CAB39: variants seen among roughly 807,000 people sequenced by gnomAD.
The protein encoded by CAB39 is calcium-binding protein 39.
Under a neutral mutation model 40.0 loss-of-function variants are expected in CAB39, and 8 were observed. That is an observed-to-expected ratio of 0.20 (90% CI 0.12 to 0.36). CAB39 has a LOEUF of 0.36. CAB39 is among the 10% of genes least tolerant of loss of function. The pLI, the probability that CAB39 is intolerant of heterozygous loss-of-function variation, is 1.00. For missense variants in CAB39, 270 were observed against 401.1 expected, an observed-to-expected ratio of 0.67 and a Z score of 2.79; for synonymous variants, 156 against 141.6, an observed-to-expected ratio of 1.10 and a Z score of -0.72.
intron 1 of CAB39, among the ~76,000 whole-genome samples, chr2:230,746,667 C>A (rs1280301536): frequency 6.6e-6 from 1 of 152,140 alleles, no homozygotes; most frequent in Admixed American, 6.5e-5. Flanking sequence ...GCTAGATTTC[C>A]TGCTCACTTA....
At chr2:230,771,492 G>C (rs919179143) in intron 2 of CAB39, among the ~76,000 whole-genome samples, 1 of 152,162 alleles carries the variant, frequency 6.6e-6, no homozygotes, top group Non-Finnish European at 1.5e-5. Flanking sequence ...GCCCAAATAA[G>C]CAGGAGATAC....
chr2:230,800,944 C>A (rs927399969), intron 5 of CAB39, among the ~76,000 whole-genome samples: 1 of 151,934 alleles, frequency 6.6e-6, no homozygotes. Context: ...TAAAGCAGCC[C>A]TATCAGGTCA....
intron 5 of CAB39, among the ~76,000 whole-genome samples, chr2:230,804,367 A>G (rs573448693): frequency 1.8e-4 from 28 of 152,354 alleles, no homozygotes; most frequent in Middle Eastern, 3.4e-3. Context: ...AAAATACCAA[A>G]AGCAATGGCA....
chr2:230,773,798 A>C (rs1695535169), intron 2 of CAB39, among the ~76,000 whole-genome samples: 1 of 152,186 alleles, frequency 6.6e-6, no homozygotes, highest in Non-Finnish European at 1.5e-5. Flanking sequence ...TAGAATTCAG[A>C]CCCATGAGTG....
intron 2 of CAB39, among the ~76,000 whole-genome samples, chr2:230,784,748 C>T (rs983167382): frequency 6.6e-5 from 10 of 152,060 alleles, no homozygotes; most frequent in African/African-American, 2.4e-4. Context: ...AAAGAATTAA[C>T]GCGGGAAGAA....
intron 2 of CAB39, among the ~76,000 whole-genome samples, chr2:230,780,821 G>A (rs1695673861): frequency 6.6e-6 from 1 of 152,148 alleles, no homozygotes; most frequent in South Asian, 2.1e-4. Flanking sequence ...AGTGGCTCAT[G>A]CCTGTAATCC....
chr2:230,733,306 C>T lies in CAB39; in HGVS notation c.-44+20076C>T, dbSNP rs115962460. Among the ~76,000 whole-genome samples the T allele has an allele frequency of 4.2e-3, 641 of 152,068 alleles. 1 individual carries two copies. The highest frequency in any genetic ancestry group is 0.014 in the African/African-American group (587 of 41,456). ...GCAAGACTAGCTGTTTTTTGACCCC[C>T]TCCTCTCATTTTTTTGGTGTTAAAG... On this transcript the variant is annotated intron_variant, in intron 1 of 8. Transcript: ENST00000258418.
chr2:230,801,783 C>G (rs756607475), intron 5 of CAB39, among the ~76,000 whole-genome samples: 4 of 151,882 alleles, frequency 2.6e-5, no homozygotes, highest in Non-Finnish European at 4.4e-5. Context: ...GCATAAGAAT[C>G]CCTTGAACCT....
intron 1 of CAB39, among the ~76,000 whole-genome samples, chr2:230,739,082 A>T (rs953110068): frequency 6.6e-6 from 1 of 152,206 alleles, no homozygotes; most frequent in African/African-American, 2.4e-5. Context: ...AATTATCTCT[A>T]TAAAAGAGCA....
At chr2:230,764,191 T>C (rs1248939599) in intron 2 of CAB39, among the ~76,000 whole-genome samples, 1 of 152,188 alleles carries the variant, frequency 6.6e-6, no homozygotes, top group Non-Finnish European at 1.5e-5. Flanking sequence ...CTTTGCAATG[T>C]TGCAAAATAG....
At chr2:230,803,133 A>C (rs966486888) in intron 5 of CAB39, among the ~76,000 whole-genome samples, 5 of 152,246 alleles carry the variant, frequency 3.3e-5, no homozygotes, top group African/African-American at 1.2e-4. Flanking sequence ...TCCGTCACAT[A>C]AACAGAACCA....
intron 1 of CAB39, among the ~76,000 whole-genome samples, chr2:230,721,387 T>G (rs972816021): frequency 1.3e-5 from 2 of 152,146 alleles, no homozygotes; most frequent in Admixed American, 6.5e-5. Flanking sequence ...GCCAAGATAG[T>G]GCCACTGCGC....
chr2:230,799,669 T>C (rs1696051255), intron 5 of CAB39, among the ~76,000 whole-genome samples: 1 of 152,208 alleles, frequency 6.6e-6, no homozygotes, highest in Non-Finnish European at 1.5e-5. Context: ...CCTAACCTTA[T>C]GAATAAATAT....
At chr2:230,814,867 T>A (rs1043359683) in intron 7 of CAB39, among the ~76,000 whole-genome samples, 4 of 152,136 alleles carry the variant, frequency 2.6e-5, no homozygotes, top group African/African-American at 7.2e-5. Flanking sequence ...CAGTAAGCAG[T>A]CCCAACAGGA....
intron 2 of CAB39, among the ~76,000 whole-genome samples, chr2:230,768,430 G>A (rs1559603706): frequency 6.6e-6 from 1 of 152,120 alleles, no homozygotes. Flanking sequence ...GGGTGATCAG[G>A]GGACATTTTT....
intron 4 of CAB39, among the ~76,000 whole-genome samples, chr2:230,797,193 A>G (rs921651149): frequency 1.3e-5 from 2 of 152,224 alleles, no homozygotes; most frequent in Admixed American, 1.3e-4. Context: ...TGAAACTAAG[A>G]TAATCAGAAA....
intron 1 of CAB39, among the ~76,000 whole-genome samples, chr2:230,753,446 G>C (rs1030009794): frequency 2.6e-5 from 4 of 152,120 alleles, no homozygotes; most frequent in African/African-American, 9.7e-5. Flanking sequence ...AAGGAATCCT[G>C]CTGAGGTTTA....
At chr2:230,752,488 G>A (rs1351383379) in intron 1 of CAB39, among the ~76,000 whole-genome samples, 2 of 152,172 alleles carry the variant, frequency 1.3e-5, no homozygotes, top group Non-Finnish European at 2.9e-5. Flanking sequence ...TCAAAATAGG[G>A]ACAAATGCCA....
intron 1 of CAB39, among the ~76,000 whole-genome samples, chr2:230,748,531 T>C (rs1164422862): frequency 6.6e-6 from 1 of 151,908 alleles, no homozygotes. Flanking sequence ...ATGGGTTGGG[T>C]GCGGTGGCTC....
Sources: gnomAD v4.1 joint callset for allele counts (sites outside exome capture counted in the v4.1 genomes callset) on GRCh38, gnomAD v4.1.1 for gene constraint, MANE v1.5 for transcripts, NCBI Gene and HGNC (gene_info 2026-07-23, HGNC 2026-07-21) for gene names.